Variants in CDH12 observed in about 807,000 individuals in gnomAD.
CDH12 encodes cadherin 12, also known as cadherin-12.
CDH12 carries 41 observed loss-of-function variants against 74.1 expected under a neutral mutation model. That is an observed-to-expected ratio of 0.55 (90% CI 0.43 to 0.72). The LOEUF (loss-of-function observed/expected upper bound fraction) is 0.72. Among genes scored for constraint, CDH12 ranks in the 30% least tolerant of loss-of-function variants. CDH12 has a pLI of 0.00. For missense variants in CDH12, 945 were observed against 977.2 expected, an observed-to-expected ratio of 0.97 and a Z score of 0.44; for synonymous variants, 399 against 355.0, an observed-to-expected ratio of 1.12 and a Z score of -1.39.
rs192114683 is a variant in CDH12, at chr5:22,442,972, T to C, written c.-427-37621A>G. Reference sequence around the variant, plus strand: ...GATGAGACAACACATTGAATGTTTTTTTCCTCAGTCTGGTAATAGCACAGG... The same window carrying C: ...GATGAGACAACACATTGAATGTTTTCTTCCTCAGTCTGGTAATAGCACAGG... On this transcript the variant is annotated intron_variant, in intron 2 of 14. Coordinates refer to ENST00000382254, the MANE Select transcript of CDH12 (RefSeq NM_004061.5). Among the ~76,000 whole-genome samples, 70 of 151,558 alleles carry C rather than the reference T, an allele frequency of 4.6e-4. No homozygotes were observed. In the East Asian group the frequency reaches 0.013, roughly 27 times the overall value.
chr5:22,788,113 T>C (rs1439832771), intron 1 of CDH12, among the ~76,000 whole-genome samples: 1 of 152,154 alleles, frequency 6.6e-6, no homozygotes, highest in Non-Finnish European at 1.5e-5. Context: ...AAAATAATTA[T>C]AAAATGTTGA....
intron 1 of CDH12, among the ~76,000 whole-genome samples, chr5:22,682,800 GA>G (rs922244393): frequency 2.7e-5 from 4 of 148,284 alleles, no homozygotes; most frequent in Middle Eastern, 3.4e-3. Context: ...CCTCCCCTCA[GA>G]AAAAAAAAGC....
intron 2 of CDH12, among the ~76,000 whole-genome samples, chr5:22,450,177 A>G (rs946702890): frequency 6.6e-6 from 1 of 152,058 alleles, no homozygotes; most frequent in African/African-American, 2.4e-5. Flanking sequence ...AGTGAATAAC[A>G]ACTTTGTAAG....
chr5:21,833,329 T>A (rs867508789), intron 8 of CDH12, among the ~76,000 whole-genome samples: 6 of 59,894 alleles, frequency 1.0e-4, no homozygotes, highest in South Asian at 5.1e-4. Flanking sequence ...ATAATATATA[T>A]TATATATTAT....
chr5:22,657,526 C>T (rs886861068), intron 1 of CDH12, among the ~76,000 whole-genome samples: 32 of 152,252 alleles, frequency 2.1e-4, no homozygotes, highest in African/African-American at 7.5e-4. Context: ...TGAAGCCCTC[C>T]GTGGCTTCCA....
At chr5:21,853,632 A>G (rs997444140) in intron 7 of CDH12, among the ~76,000 whole-genome samples, 3 of 151,724 alleles carry the variant, frequency 2.0e-5, no homozygotes, top group African/African-American at 7.2e-5. Flanking sequence ...TTAATTGTTA[A>G]TTAACTTATA....
chr5:21,963,821 T>C (rs1468621191), intron 6 of CDH12, among the ~76,000 whole-genome samples: 1 of 152,120 alleles, frequency 6.6e-6, no homozygotes, highest in African/African-American at 2.4e-5. Context: ...TCTTTGTGAA[T>C]TCAAACTGTT....
At chr5:21,981,272 C>CTTT (rs1757293612) in intron 5 of CDH12, among the ~76,000 whole-genome samples, 3 of 125,200 alleles carry the variant, frequency 2.4e-5, no homozygotes, top group African/African-American at 9.8e-5. Context: ...CAGAATGTAT[C>CTTT]CTTTTCTTCT....
intron 1 of CDH12, among the ~76,000 whole-genome samples, chr5:22,760,352 C>T (rs1295170495): frequency 5.3e-5 from 8 of 152,042 alleles, no homozygotes; most frequent in Non-Finnish European, 1.5e-5. Flanking sequence ...TAAAACAATT[C>T]CTAACAAATA....
In CDH12 at chr5:22,757,200, G is replaced by T. The variant is rs536099011; in HGVS notation, c.-523+95858C>A. 7.9e-5 allele frequency among the ~76,000 whole-genome samples: 12 copies of T among 152,230 alleles called. 1 individual carries two copies. Among genetic ancestry groups the T allele is most frequent in the African/African-American group, 2.2e-4 (9 of 41,544 alleles). On this transcript the variant is annotated intron_variant, in intron 1 of 14. Transcript: ENST00000382254. ...ATGTAGATAAAAGCTATCTCTTGAAGATGGTAGAGCACATACCACCCCTGG... is the reference window on the plus strand; with the variant it reads ...ATGTAGATAAAAGCTATCTCTTGAATATGGTAGAGCACATACCACCCCTGG...
At chr5:22,069,889 A>G (rs1452234884) in intron 5 of CDH12, among the ~76,000 whole-genome samples, 1 of 152,128 alleles carries the variant, frequency 6.6e-6, no homozygotes, top group East Asian at 1.9e-4. Context: ...TCTAGATCAG[A>G]CCCTTCAGAA....
chr5:22,203,427 A>C (rs1057424260), intron 4 of CDH12, among the ~76,000 whole-genome samples: 4 of 152,098 alleles, frequency 2.6e-5, no homozygotes, highest in Non-Finnish European at 5.9e-5. Context: ...ACAGAATCTC[A>C]TTCTATTTTA....
At chr5:22,485,965 T>C (rs999589568) in intron 2 of CDH12, among the ~76,000 whole-genome samples, 1 of 152,194 alleles carries the variant, frequency 6.6e-6, no homozygotes, top group East Asian at 1.9e-4. Context: ...AATAGTGGCA[T>C]GTCTTCAGCA....
intron 6 of CDH12, among the ~76,000 whole-genome samples, chr5:21,909,672 A>T (rs570132245): frequency 3.3e-5 from 5 of 152,220 alleles, no homozygotes; most frequent in Non-Finnish European, 7.3e-5. Flanking sequence ...AGAAATAAGG[A>T]CAATTAATGA....
At chr5:22,089,467 T>C (rs1212611158) in intron 4 of CDH12, among the ~76,000 whole-genome samples, 2 of 151,902 alleles carry the variant, frequency 1.3e-5, no homozygotes, top group African/African-American at 4.8e-5. Flanking sequence ...AATGTAACAA[T>C]GCATAAAGAA....
chr5:22,040,409 C>T (rs550579093), intron 5 of CDH12, among the ~76,000 whole-genome samples: 1 of 152,096 alleles, frequency 6.6e-6, no homozygotes, highest in Non-Finnish European at 1.5e-5. Flanking sequence ...TTGCTGAAAA[C>T]TCCCCAAGTG....
intron 1 of CDH12, among the ~76,000 whole-genome samples, chr5:22,713,331 C>T (rs535769918): frequency 2.6e-5 from 4 of 151,450 alleles, no homozygotes; most frequent in East Asian, 2.0e-4. Flanking sequence ...TTAGTAGAGA[C>T]GGGGTTTCAC....
At chr5:21,788,729 T>G (rs1299724807) in intron 10 of CDH12, among the ~76,000 whole-genome samples, 1 of 152,128 alleles carries the variant, frequency 6.6e-6, no homozygotes, top group African/African-American at 2.4e-5. Context: ...TCTCTTCTCA[T>G]GAGCACATGA....
chr5:21,862,712 A>G (rs1398689511), intron 6 of CDH12, among the ~76,000 whole-genome samples: 1 of 152,200 alleles, frequency 6.6e-6, no homozygotes, highest in Non-Finnish European at 1.5e-5. Flanking sequence ...CATTGGAAGT[A>G]TTAAATAAAC....
Sources: allele counts gnomAD v4.1 joint callset (sites outside exome capture counted in the v4.1 genomes callset), GRCh38; gene constraint gnomAD v4.1.1; transcripts MANE v1.5; gene names NCBI Gene and HGNC (gene_info 2026-07-23, HGNC 2026-07-21).